Variants in ZFX observed in about 807,000 individuals in gnomAD.
The protein encoded by ZFX is zinc finger protein X-linked, also known as zinc finger X-chromosomal protein.
For missense variants in ZFX, 362 were observed against 628.3 expected (o/e 0.58, Z 4.53); for synonymous variants, 196 against 226.8 (o/e 0.86, Z 1.22).
intron 5 of ZFX, among the ~76,000 whole-genome samples, chrX:24,205,838 G>A (rs1391006922): frequency 9.0e-6 from 1 of 110,906 alleles, no homozygotes; most frequent in Non-Finnish European, 1.9e-5. Flanking sequence ...CAGAGACTCT[G>A]TTTCAAAATA....
At chrX:24,177,537 C>G (rs1407904509) in intron 4 of ZFX, 5 of 209,427 alleles carry the variant, frequency 2.4e-5, no homozygotes, top group African/African-American at 1.5e-4. Context: ...CCTGCTCCAA[C>G]TACTCTCAAC....
In ZFX at chrX:24,211,469, TATTG is replaced by T. The variant is rs1938076121; in HGVS notation, c.*97_*100del. The T allele has an allele frequency of 2.1e-6, 2 of 973,707 alleles. No homozygotes were observed. Among genetic ancestry groups the T allele is most frequent in the Non-Finnish European group, 2.8e-6 (2 of 709,797 alleles). The allele number at this position is 973,707 out of a possible 1,213,427, so 80.2% of individuals were successfully genotyped here. On this transcript the variant is annotated 3_prime_UTR_variant, in exon 10 of 10. Transcript: ENST00000304543. ...AGTCTCATTCACATACAATACTGTATATTGATTTATGCTGTGTACAAATAGAATT... is the reference window on the plus strand; with the variant it reads ...AGTCTCATTCACATACAATACTGTATATTTATGCTGTGTACAAATAGAATT...
At chrX:24,198,625 A>T (rs1937085281) in intron 5 of ZFX, among the ~76,000 whole-genome samples, 1 of 111,236 alleles carries the variant, frequency 9.0e-6, no homozygotes, top group Non-Finnish European at 1.9e-5. Context: ...CACTTGGAAT[A>T]CATTAGTGAA....
intron 3 of ZFX, among the ~76,000 whole-genome samples, chrX:24,161,040 G>C (rs1288149405): frequency 2.7e-5 from 3 of 111,062 alleles, no homozygotes; most frequent in African/African-American, 6.6e-5. Flanking sequence ...TATTATACTT[G>C]GGGAACATTG....
intron 3 of ZFX, among the ~76,000 whole-genome samples, chrX:24,159,862 T>G (rs1423646052): frequency 1.8e-5 from 2 of 112,021 alleles, no homozygotes; most frequent in Non-Finnish European, 3.8e-5. Context: ...AATTTGTGGT[T>G]TCTGATTTGT....
chrX:24,150,211 C>T (rs1207379499), intron 1 of ZFX: 1 of 74,767 alleles, frequency 1.3e-5, no homozygotes, highest in African/African-American at 5.2e-5. Flanking sequence ...GACAAGATGG[C>T]GGCGGCTCGG....
intron 3 of ZFX, chrX:24,161,977 GGTGTGAGCCATT>G (rs1189115706): frequency 2.8e-5 from 3 of 108,610 alleles, no homozygotes; most frequent in African/African-American, 6.7e-5. Flanking sequence ...TGGGATTACA[GGTGTGAGCCATT>G]GCACCTGGCC....
At chrX:24,172,879 A>C in intron 4 of ZFX, 79 bp downstream of exon 4, 6 of 981,384 alleles carry the variant, frequency 6.1e-6, no homozygotes, top group Non-Finnish European at 8.4e-6. Context: ...TAGAACTCTC[A>C]CATTGATCAT....
At position 24,214,456 on chromosome X, in the gene ZFX, AG is replaced by A. The variant is rs1013977642; in HGVS notation, c.*3082del. 1.8e-5 allele frequency: 2 copies of A among 112,602 alleles called. No individual in the cohort carries two copies. Among genetic ancestry groups the A allele is most frequent in the African/African-American group, 6.5e-5 (2 of 30,948 alleles). The allele number at this position is 112,602 out of a possible 1,213,427, so 9.3% of individuals were successfully genotyped here. On this transcript the variant is annotated 3_prime_UTR_variant, in exon 10 of 10. Coordinates refer to ENST00000304543, the MANE Select transcript of ZFX (RefSeq NM_003410.4). The stretch of plus-strand genomic sequence containing the variant: ...AGTACTAAGTTAATGCTTTTTCTCA[AG>A]GAAAAAAAATGTACAGTTTTTGTAA...
At position 24,213,718 on chromosome X, in the gene ZFX, G is replaced by A. The variant is rs1240234483; in HGVS notation, c.*2342G>A. On this transcript the variant is annotated 3_prime_UTR_variant, in exon 10 of 10. Coordinates refer to ENST00000304543, the MANE Select transcript of ZFX (RefSeq NM_003410.4). ...TTTTTTTAAACTAACTTACAATTTT[G>A]TGATCCGTGATTCATTGCCCTGCGA... 1.3e-5 allele frequency: 1 copy of A among 75,602 alleles called. No homozygotes were observed. Among genetic ancestry groups the A allele is most frequent in the Admixed American group, 1.6e-4 (1 of 6,072 alleles). The allele number at this position is 75,602 out of a possible 1,213,427, so 6.2% of individuals were successfully genotyped here.
In ZFX at chrX:24,207,381, A is replaced by G. The variant is rs943358982; in HGVS notation, c.702A>G (p.Thr234=). 8 of 1,208,203 alleles carry G rather than the reference A, an allele frequency of 6.6e-6. No homozygotes were observed. The Admixed American group carries it at 1.1e-4, about 17-fold the overall frequency. Residue 234 remains threonine (T), a synonymous_variant, in exon 6 of 10, where the codon ACA becomes ACG. Coordinates refer to ENST00000304543, the MANE Select transcript of ZFX (RefSeq NM_003410.4). ...HDGSSGMTMD[T]ESEIDPCKVD... ...GTTCTTCTGGAATGACCATGGACAC[A>G]GAGTCGGAAATTGATCCTTGTAAAG...
intron 5 of ZFX, among the ~76,000 whole-genome samples, chrX:24,194,787 C>G: frequency 9.5e-6 from 1 of 105,600 alleles, no homozygotes; most frequent in Non-Finnish European, 1.9e-5. Flanking sequence ...CACCCTGTCA[C>G]CCCAGCTGGA....
At chrX:24,208,429 A>G (rs1937778162) in intron 8 of ZFX, 59 bp downstream of exon 8, 1 of 1,171,510 alleles carries the variant, frequency 8.5e-7, no homozygotes, top group Non-Finnish European at 1.1e-6. Context: ...TGAATCCATG[A>G]TTGAAAAATG....
chrX:24,209,150 A>G, intron 9 of ZFX, 110 bp downstream of exon 9: 1 of 1,051,754 alleles, frequency 9.5e-7, no homozygotes, highest in South Asian at 2.4e-5. Flanking sequence ...TAGACCATAT[A>G]TAGCTTTGTC....
chrX:24,208,660 A>G lies in ZFX; in HGVS notation c.1094-240A>G, dbSNP rs761219357. Among the ~76,000 whole-genome samples the G allele has an allele frequency of 3.7e-4, 41 of 111,598 alleles. 2 individuals carry two copies. The South Asian group carries it at 0.015, about 40-fold the overall frequency. On this transcript the variant is annotated intron_variant, in intron 8 of 9. Transcript: ENST00000304543. ...TGGCCCATGACTTTTTCATTTTGGG[A>G]GACAACAAGGGAGTCCATGGCGCAA...
intron 5 of ZFX, among the ~76,000 whole-genome samples, chrX:24,194,128 G>A (rs1472437263): frequency 2.7e-5 from 3 of 111,505 alleles, no homozygotes; most frequent in African/African-American, 3.3e-5. Flanking sequence ...TATTCATGTT[G>A]TAGCTTGTGT....
Position 24,215,187 on chromosome X carries a change from C to T in ZFX, c.*3811C>T, listed in dbSNP as rs1284745480. On this transcript the variant is annotated 3_prime_UTR_variant, in exon 10 of 10. Transcript: ENST00000304543. ...CTGAAAAACTTTTGTAATGGAACAC[C>T]CAACAAATGACACCTAACCTGTCTG... 2 of 111,727 alleles carry T rather than the reference C, an allele frequency of 1.8e-5. No homozygotes were observed. Among genetic ancestry groups the T allele is most frequent in the East Asian group, 5.6e-4 (2 of 3,582 alleles). The allele number at this position is 111,727 out of a possible 1,213,427, so 9.2% of individuals were successfully genotyped here. A position where few individuals can be genotyped will look rare whatever the true frequency, so the allele number is the denominator to read the frequency against.
Position 24,186,268 on chromosome X carries a change from A to G in ZFX, c.646+6498A>G, listed in dbSNP as rs560025158. Among the ~76,000 whole-genome samples the G allele has an allele frequency of 1.6e-4, 18 of 111,286 alleles. No homozygotes were observed. In the South Asian group the frequency reaches 6.8e-3, roughly 42 times the overall value. ...TGAGTGTCTAATAAACAGCTTTTAC[A>G]ATGTCTTTAGTATCCATCTTGGCAG... On this transcript the variant is annotated intron_variant, in intron 5 of 9. Transcript: ENST00000304543.
chrX:24,168,124 G>A (rs1446625862), intron 3 of ZFX, among the ~76,000 whole-genome samples: 3 of 112,238 alleles, frequency 2.7e-5, no homozygotes, highest in Middle Eastern at 4.6e-3. Flanking sequence ...TAAGAGAGAA[G>A]ATATTAATTA....
Sources: gnomAD v4.1 joint callset for allele counts (sites outside exome capture counted in the v4.1 genomes callset) on GRCh38, gnomAD v4.1.1 for gene constraint, MANE v1.5 for transcripts, NCBI Gene and HGNC (gene_info 2026-07-23, HGNC 2026-07-21) for gene names.